PLPP4: variants seen among roughly 807,000 people sequenced by gnomAD.
The protein encoded by PLPP4 is phospholipid phosphatase 4, also known as diacylglycerol pyrophosphate like 2.
A neutral mutation model predicts 32.2 loss-of-function variants in PLPP4; 20 were observed. That is an observed-to-expected ratio of 0.62 (90% CI 0.44 to 0.90). The LOEUF (loss-of-function observed/expected upper bound fraction) is 0.90, where lower values mean the gene tolerates loss of function less well. Among genes scored for constraint, PLPP4 ranks in the 40% least tolerant of loss-of-function variants. PLPP4 has a pLI of 0.00. For synonymous variants in PLPP4, 127 were observed against 133.0 expected, an observed-to-expected ratio of 0.95 and a Z score of 0.31; for missense variants, 257 against 353.1, an observed-to-expected ratio of 0.73 and a Z score of 2.18.
intron 2 of PLPP4, among the ~76,000 whole-genome samples, chr10:120,508,877 CT>C (rs2133879195): frequency 6.6e-6 from 1 of 152,256 alleles, no homozygotes; most frequent in African/African-American, 2.4e-5. Flanking sequence ...TCTTGATACC[CT>C]TTTAACAGTC....
At chr10:120,490,363 G>A (rs1476565338) in intron 1 of PLPP4, among the ~76,000 whole-genome samples, 1 of 152,198 alleles carries the variant, frequency 6.6e-6, no homozygotes, top group Non-Finnish European at 1.5e-5. Flanking sequence ...TATCCACTGT[G>A]AGCAAAAACT....
intron 1 of PLPP4, among the ~76,000 whole-genome samples, chr10:120,464,792 A>G (rs1292044428): frequency 1.3e-5 from 2 of 152,232 alleles, no homozygotes; most frequent in Non-Finnish European, 2.9e-5. Flanking sequence ...ATTAGAAGCC[A>G]CATCCAGGGA....
At chr10:120,546,766 C>T (rs1307220544) in intron 5 of PLPP4, among the ~76,000 whole-genome samples, 1 of 152,152 alleles carries the variant, frequency 6.6e-6, no homozygotes, top group African/African-American at 2.4e-5. Context: ...TCCAAACTTC[C>T]TAGAAACCTT....
chr10:120,467,234 A>G (rs1848370146), intron 1 of PLPP4, among the ~76,000 whole-genome samples: 1 of 62,532 alleles, frequency 1.6e-5, no homozygotes, highest in African/African-American at 3.4e-5. Flanking sequence ...ACCCGCCACC[A>G]TGCCTGGCTA....
chr10:120,495,813 C>G (rs1286280375), intron 1 of PLPP4, among the ~76,000 whole-genome samples: 1 of 152,180 alleles, frequency 6.6e-6, no homozygotes, highest in Admixed American at 6.5e-5. Flanking sequence ...TTCTCAGACC[C>G]AGCATATTCA....
At chr10:120,585,385 A>G (rs996146254) in intron 6 of PLPP4, among the ~76,000 whole-genome samples, 2 of 152,224 alleles carry the variant, frequency 1.3e-5, no homozygotes, top group African/African-American at 4.8e-5. Flanking sequence ...CGATGCTATG[A>G]AAATGTAGCC....
chr10:120,469,764 A>G (rs1338804734), intron 1 of PLPP4, among the ~76,000 whole-genome samples: 1 of 152,206 alleles, frequency 6.6e-6, no homozygotes, highest in Admixed American at 6.5e-5. Context: ...AAACTACTGG[A>G]AACACATTTT....
chr10:120,489,197 A>G (rs1262381493), intron 1 of PLPP4, among the ~76,000 whole-genome samples: 3 of 152,248 alleles, frequency 2.0e-5, no homozygotes, highest in Non-Finnish European at 4.4e-5. Context: ...GGGATAGATG[A>G]TGAAGAACGC....
chr10:120,550,192 G>A (rs149797781), intron 5 of PLPP4, among the ~76,000 whole-genome samples: 204 of 151,982 alleles, frequency 1.3e-3, no homozygotes, highest in Non-Finnish European at 1.7e-3. Context: ...TTAGAAAATA[G>A]AGACTTTTAA....
In PLPP4 at chr10:120,574,587, C is replaced by T. The variant is rs186667463; in HGVS notation, c.446-544C>T. 1.1e-4 allele frequency among the ~76,000 whole-genome samples: 16 copies of T among 152,260 alleles called. No individual in the cohort carries two copies. In the East Asian group the frequency reaches 2.9e-3, roughly 28 times the overall value. On this transcript the variant is annotated intron_variant, in intron 5 of 6. Coordinates refer to ENST00000398250, the MANE Select transcript of PLPP4 (RefSeq NM_001030059.3). ...CACTCTTTTGTAGCATTTGCTGGTC[C>T]CATCTTACTGAATGCCACCATTGTA...
At chr10:120,574,104 G>A (rs903988949) in intron 5 of PLPP4, among the ~76,000 whole-genome samples, 3 of 138,620 alleles carry the variant, frequency 2.2e-5, no homozygotes, top group Non-Finnish European at 3.0e-5. Flanking sequence ...CTTAGTTGTG[G>A]CCACCATTAG....
intron 5 of PLPP4, among the ~76,000 whole-genome samples, chr10:120,546,164 C>T (rs1847608028): frequency 2.0e-5 from 3 of 152,128 alleles, no homozygotes; most frequent in South Asian, 4.1e-4. Context: ...TGCAGATGGC[C>T]TTTTGTGGGA....
intron 5 of PLPP4, among the ~76,000 whole-genome samples, chr10:120,558,328 A>T (rs1479463007): frequency 6.6e-6 from 1 of 151,704 alleles, no homozygotes; most frequent in Admixed American, 6.6e-5. Context: ...GTGATTTGCT[A>T]ATTTTGCTCA....
intron 5 of PLPP4, among the ~76,000 whole-genome samples, chr10:120,553,749 C>T (rs1243295615): frequency 6.6e-6 from 1 of 152,232 alleles, no homozygotes. Flanking sequence ...ATAGCCTGAG[C>T]TATACCTTGG....
chr10:120,523,403 T>G (rs1420910087), intron 5 of PLPP4, among the ~76,000 whole-genome samples: 1 of 152,176 alleles, frequency 6.6e-6, no homozygotes, highest in South Asian at 2.1e-4. Context: ...CTAAACATGT[T>G]TTTTTCCTCT....
Position 120,518,905 on chromosome 10 carries a change from C to G in PLPP4, c.320+9C>G. The G allele has an allele frequency of 6.2e-7, 1 of 1,606,322 alleles. No individual in the cohort carries two copies. The highest frequency in any genetic ancestry group is 8.5e-7 in the Non-Finnish European group (1 of 1,175,098). ...AAATTAATAGTGGGAAGGTAAGTTC[C>G]AAGAAGAATGAAATGGTGACTTAGA... On this transcript the variant is annotated intron_variant, in intron 4 of 6. Transcript: ENST00000398250.
rs77982345 is a variant in PLPP4 at position 120,583,977 on chromosome 10, A to G, written c.617-5326A>G. Among the ~76,000 whole-genome samples the G allele has an allele frequency of 6.8e-3, 1,033 of 152,314 alleles. 17 individuals carry two copies. The highest frequency in any genetic ancestry group is 0.023 in the African/African-American group (972 of 41,566). The stretch of plus-strand genomic sequence containing the variant: ...ATGCTGAGGGCTCCACAGAGCCACA[A>G]AGGGACATGGAAAACATTCTGCTCC... On this transcript the variant is annotated intron_variant, in intron 6 of 6. Transcript: ENST00000398250.
chr10:120,580,194 G>T (rs1238788072), intron 6 of PLPP4, among the ~76,000 whole-genome samples: 38 of 151,422 alleles, frequency 2.5e-4, no homozygotes, highest in Admixed American at 2.4e-3. Flanking sequence ...TTCTCAGCTA[G>T]TGAGCAGTGA....
At chr10:120,473,073 T>C (rs539974759) in intron 1 of PLPP4, among the ~76,000 whole-genome samples, 8 of 152,214 alleles carry the variant, frequency 5.3e-5, no homozygotes, top group Non-Finnish European at 8.8e-5. Flanking sequence ...CACATCAAGA[T>C]GATCTATACC....
Sources: allele counts gnomAD v4.1 joint callset (sites outside exome capture counted in the v4.1 genomes callset), GRCh38; gene constraint gnomAD v4.1.1; transcripts MANE v1.5; gene names NCBI Gene and HGNC (gene_info 2026-07-23, HGNC 2026-07-21).